Variants in NEXMIF observed in about 807,000 individuals in gnomAD.
The protein encoded by NEXMIF is neurite extension and migration factor, also known as XLMR protein related to neurite extension.
A neutral mutation model predicts 62.1 loss-of-function variants in NEXMIF; 8 were observed. The ratio of observed to expected loss-of-function variants is 0.13; its 90% CI spans 0.08 to 0.23. The LOEUF is 0.23. Among genes scored for constraint, NEXMIF ranks in the 10% least tolerant of loss-of-function variants. NEXMIF has a pLI of 1.00. For synonymous variants in NEXMIF, 404 were observed against 416.6 expected (o/e 0.97, Z 0.37); for missense variants, 976 against 1,113.3 (o/e 0.88, Z 1.75).
At chrX:74,889,243 T>C (rs778326372) in intron 1 of NEXMIF, among the ~76,000 whole-genome samples, 33 of 111,255 alleles carry the variant, frequency 3.0e-4, no homozygotes, top group Non-Finnish European at 5.8e-4. Flanking sequence ...GGAAGCAATG[T>C]ATTGTGCTTT....
intron 1 of NEXMIF, among the ~76,000 whole-genome samples, chrX:74,761,154 C>A (rs755465714): frequency 1.7e-4 from 19 of 110,698 alleles, no homozygotes; most frequent in Non-Finnish European, 2.8e-4. Flanking sequence ...ACAGGCATGA[C>A]CCCCAATGCC....
chrX:74,830,311 T>C (rs1282301447), intron 1 of NEXMIF, among the ~76,000 whole-genome samples: 3 of 112,093 alleles, frequency 2.7e-5, no homozygotes, highest in Non-Finnish European at 5.6e-5. Context: ...AAGACAGTCC[T>C]TTCTCCATTG....
chrX:74,760,463 G>A (rs1237959675), intron 1 of NEXMIF, among the ~76,000 whole-genome samples: 2 of 112,015 alleles, frequency 1.8e-5, no homozygotes, highest in African/African-American at 6.5e-5. Context: ...CTTGTCTTGT[G>A]CCAGTTTTCA....
chrX:74,806,607 AT>A (rs1190080729), intron 1 of NEXMIF, among the ~76,000 whole-genome samples: 12 of 112,321 alleles, frequency 1.1e-4, no homozygotes, highest in Non-Finnish European at 1.9e-4. Flanking sequence ...AATCAAAAAA[AT>A]AAAATCTATT....
At chrX:74,783,196 C>T (rs1320472683) in intron 1 of NEXMIF, among the ~76,000 whole-genome samples, 1 of 110,972 alleles carries the variant, frequency 9.0e-6, no homozygotes, top group Non-Finnish European at 1.9e-5. Context: ...TGAGCTTGGC[C>T]TCGGAGCATG....
In NEXMIF at chrX:74,863,312, A is replaced by G. The variant is rs143374244; in HGVS notation, c.-48+61571T>C. Among the ~76,000 whole-genome samples the G allele has an allele frequency of 4.8e-3, 538 of 111,419 alleles. 4 individuals carry two copies. Among genetic ancestry groups the G allele is most frequent in the African/African-American group, 0.017 (513 of 30,701 alleles). Reference sequence around the variant, plus strand: ...TGAACTGAAGGAGATAGAGACACAAAAAACTGTTCAAACAATCAATGAATC... The same window carrying G: ...TGAACTGAAGGAGATAGAGACACAAGAAACTGTTCAAACAATCAATGAATC... On this transcript the variant is annotated intron_variant, in intron 1 of 3. Coordinates refer to ENST00000055682, the MANE Select transcript of NEXMIF (RefSeq NM_001008537.3).
intron 1 of NEXMIF, among the ~76,000 whole-genome samples, chrX:74,854,701 T>TTAC (rs1018281028): frequency 3.6e-5 from 4 of 111,965 alleles, no homozygotes; most frequent in African/African-American, 1.3e-4. Flanking sequence ...CAAAAACTCT[T>TTAC]AGTAAAGTTA....
At chrX:74,905,638 C>T (rs2080765217) in intron 1 of NEXMIF, among the ~76,000 whole-genome samples, 1 of 110,439 alleles carries the variant, frequency 9.1e-6, no homozygotes, top group Non-Finnish European at 1.9e-5. Flanking sequence ...GGTAGAACCC[C>T]GTCTCTGCTA....
At chrX:74,842,358 A>T (rs1381756271) in intron 1 of NEXMIF, among the ~76,000 whole-genome samples, 1 of 110,912 alleles carries the variant, frequency 9.0e-6, no homozygotes, top group African/African-American at 3.3e-5. Context: ...GTTTATTTGT[A>T]TCTTATTTTC....
At position 74,906,154 on chromosome X, in the gene NEXMIF, T is replaced by C. The variant is rs192647877; in HGVS notation, c.-48+18729A>G. Among the ~76,000 whole-genome samples the C allele has an allele frequency of 3.1e-3, 334 of 109,402 alleles. 1 individual carries two copies. The highest frequency in any genetic ancestry group is 0.01 in the African/African-American group (303 of 30,029). On this transcript the variant is annotated intron_variant, in intron 1 of 3. Coordinates refer to ENST00000055682, the MANE Select transcript of NEXMIF (RefSeq NM_001008537.3). ...CAGGCATGGTGGCACACGCCTGTAA[T>C]GCCAGCTACTTGGGAGGCTGAGGCA...
chrX:74,766,916 T>C (rs925270848), intron 1 of NEXMIF, among the ~76,000 whole-genome samples: 2 of 111,870 alleles, frequency 1.8e-5, no homozygotes, highest in African/African-American at 6.5e-5. Flanking sequence ...GCAGGGTGGT[T>C]GTGCTGCAGT....
rs544597687 is a variant in NEXMIF, at chrX:74,853,056, T to A, written c.-48+71827A>T. Reference sequence around the variant, plus strand: ...ATTGATAAACTGCTAGTGAAATGGCTCCATTTTCTGGGGTATATACCCTGG... The same window carrying A: ...ATTGATAAACTGCTAGTGAAATGGCACCATTTTCTGGGGTATATACCCTGG... On this transcript the variant is annotated intron_variant, in intron 1 of 3. Coordinates refer to ENST00000055682, the MANE Select transcript of NEXMIF (RefSeq NM_001008537.3). Among the ~76,000 whole-genome samples, 67 of 111,037 alleles carry A rather than the reference T, an allele frequency of 6.0e-4. No homozygotes were observed. In the South Asian group the frequency reaches 0.026, roughly 43 times the overall value.
At position 74,756,016 on chromosome X, in the gene NEXMIF, C is replaced by T. The variant is rs184792373; in HGVS notation, c.-47-10319G>A. 8.7e-4 allele frequency among the ~76,000 whole-genome samples: 98 copies of T among 112,104 alleles called. 1 individual carries two copies. The highest frequency in any genetic ancestry group is 2.7e-3 in the African/African-American group (82 of 30,888). ...TCAGCCTCCTGAGTAGCTGGGATTA[C>T]AGGCACGTGCCACCATACCCGACTA... On this transcript the variant is annotated intron_variant, in intron 1 of 3. Transcript: ENST00000055682.
At chrX:74,777,415 C>G (rs776382323) in intron 1 of NEXMIF, among the ~76,000 whole-genome samples, 1 of 111,765 alleles carries the variant, frequency 8.9e-6, no homozygotes, top group Non-Finnish European at 1.9e-5. Context: ...TCCATCACCT[C>G]CAACATTCAT....
intron 1 of NEXMIF, among the ~76,000 whole-genome samples, chrX:74,902,627 T>C (rs1026217352): frequency 9.0e-6 from 1 of 111,151 alleles, no homozygotes; most frequent in Non-Finnish European, 1.9e-5. Context: ...GACTGCAATC[T>C]TCACTTACCT....
intron 1 of NEXMIF, among the ~76,000 whole-genome samples, chrX:74,915,346 T>C (rs1351562451): frequency 8.9e-6 from 1 of 112,398 alleles, no homozygotes; most frequent in Non-Finnish European, 1.9e-5. Flanking sequence ...AGAACTATTA[T>C]GCAAAATGTA....
chrX:74,745,819 C>T, intron 1 of NEXMIF, 122 bp from the exon 2 acceptor site: 1 of 428,182 alleles, frequency 2.3e-6, no homozygotes, highest in Non-Finnish European at 4.1e-6. Context: ...AGATTGACTT[C>T]ATCACTGCTA....
intron 1 of NEXMIF, among the ~76,000 whole-genome samples, chrX:74,879,888 A>G: frequency 8.9e-6 from 1 of 112,093 alleles, no homozygotes; most frequent in East Asian, 2.8e-4. Context: ...AAAATCACCT[A>G]ACGCTTGGGA....
At chrX:74,796,172 TATATATATACATATATATTATATATATAC>T (rs2080307611) in intron 1 of NEXMIF, among the ~76,000 whole-genome samples, 1 of 71,622 alleles carries the variant, frequency 1.4e-5, no homozygotes, top group African/African-American at 5.5e-5. Context: ...TTATATATAT[TATATATATACATATATATTATATATATAC>T]ATATATATTA....
Sources: allele counts gnomAD v4.1 joint callset (sites outside exome capture counted in the v4.1 genomes callset), GRCh38; gene constraint gnomAD v4.1.1; transcripts MANE v1.5; gene names NCBI Gene and HGNC (gene_info 2026-07-23, HGNC 2026-07-21).